The following PCDHGB1 variants were observed in gnomAD, a reference collection of about 807,000 sequenced individuals.
PCDHGB1 encodes protocadherin gamma-B1.
PCDHGB1 carries 34 observed loss-of-function variants against 56.6 expected under a neutral mutation model. That is an observed-to-expected ratio of 0.60 (90% confidence interval 0.46 to 0.80). PCDHGB1 has a LOEUF of 0.80. Ranked by LOEUF, PCDHGB1 falls within the 30% of genes least tolerant of loss-of-function variation. The pLI, the probability that PCDHGB1 is intolerant of heterozygous loss-of-function variation, is 0.00. For missense variants in PCDHGB1, 1,278 were observed against 1,204.6 expected, an observed-to-expected ratio of 1.06 and a Z score of -0.90; for synonymous variants, 561 against 505.9, an observed-to-expected ratio of 1.11 and a Z score of -1.46.
chr5:141,361,102 G>T lies in PCDHGB1; in HGVS notation c.2409+8433G>T, dbSNP rs1025745459. ...TTACACTCTGAGTATCGAAGCAAAA[G>T]ATCCTGGAGATCTAGCAGCCCACTG... On this transcript the variant is annotated intron_variant, in intron 1 of 3. Coordinates refer to ENST00000523390, the MANE Select transcript of PCDHGB1 (RefSeq NM_018922.3). The T allele has an allele frequency of 3.1e-6, 5 of 1,613,890 alleles. No individual in the cohort carries two copies. In the Admixed American group the frequency reaches 5.0e-5, roughly 16 times the overall value.
chr5:141,433,222 A>G, intron 1 of PCDHGB1: 6 of 1,519,556 alleles, frequency 3.9e-6, no homozygotes, highest in Non-Finnish European at 5.4e-6. Flanking sequence ...TTTTTTTTTA[A>G]TTGCTCTGTC....
At chr5:141,446,079 A>T (rs2098487021) in intron 1 of PCDHGB1, among the ~76,000 whole-genome samples, 1 of 152,234 alleles carries the variant, frequency 6.6e-6, no homozygotes, top group Non-Finnish European at 1.5e-5. Context: ...CAGTGGATGT[A>T]GAAATAAATG....
chr5:141,362,255 T>A (rs1257652154), intron 1 of PCDHGB1: 2 of 1,614,020 alleles, frequency 1.2e-6, no homozygotes, highest in Admixed American at 3.3e-5. Flanking sequence ...TTCCTCGCGG[T>A]GATTCTGGCA....
rs756770023 is a variant in PCDHGB1 at position 141,383,289 on chromosome 5, T to C, written c.2409+30620T>C. ...AAATAATAGATATTAATGACAACGT[T>C]CCAAGATTCTTGACGGAAGAAATAA... On this transcript the variant is annotated intron_variant, in intron 1 of 3. Coordinates refer to ENST00000523390, the MANE Select transcript of PCDHGB1 (RefSeq NM_018922.3). The C allele has an allele frequency of 1.9e-6, 3 of 1,613,914 alleles. No individual in the cohort carries two copies. In the South Asian group the frequency reaches 3.3e-5, roughly 18 times the overall value.
rs2099746867 is a variant in PCDHGB1, at chr5:141,493,199, C to T, written c.2410-1608C>T. Among the ~76,000 whole-genome samples the T allele has an allele frequency of 6.6e-6, 1 of 152,168 alleles. No individual in the cohort carries two copies. Among genetic ancestry groups the T allele is most frequent in the Non-Finnish European group, 1.5e-5 (1 of 68,020 alleles). ...CTTACTATATAACTCCTTTGAGAAC[C>T]TCATCTCATTTGCTCTTCCCACCAT... On this transcript the variant is annotated intron_variant, in intron 1 of 3. Coordinates refer to ENST00000523390, the MANE Select transcript of PCDHGB1 (RefSeq NM_018922.3). This position sits in a 1 kb window ranked among gnomAD's most constrained non-coding sequence, Gnocchi z 4.3.
chr5:141,361,460 TCTC>T, intron 1 of PCDHGB1: 1 of 1,613,974 alleles, frequency 6.2e-7, no homozygotes, highest in East Asian at 2.2e-5. Flanking sequence ...ACCCTGCACA[TCTC>T]CGACGTCAAC....
intron 1 of PCDHGB1, chr5:141,356,443 G>T: frequency 6.2e-7 from 1 of 1,612,380 alleles, no homozygotes; most frequent in African/African-American, 1.3e-5. Context: ...CAGGGAAGAA[G>T]TCTCAGAATA....
At chr5:141,498,971 GGGAAGGAA>G (rs201769957) in intron 2 of PCDHGB1, among the ~76,000 whole-genome samples, 18,877 of 110,786 alleles carry the variant, frequency 0.17, 1,784 homozygotes, top group Admixed American at 0.31. Context: ...GAGGGAGGGA[GGGAAGGAA>G]GGAAGGAAGG....
chr5:141,361,392 T>A, intron 1 of PCDHGB1: 1 of 1,613,882 alleles, frequency 6.2e-7, no homozygotes, highest in South Asian at 1.1e-5. Flanking sequence ...CAGAATACAA[T>A]CTCACCATCA....
At chr5:141,403,631 C>T (rs751580878) in intron 1 of PCDHGB1, 8 of 1,613,912 alleles carry the variant, frequency 5.0e-6, no homozygotes, top group South Asian at 2.2e-5. Context: ...CAGCACAGTG[C>T]GCATCCATGT....
intron 1 of PCDHGB1, among the ~76,000 whole-genome samples, chr5:141,433,641 G>A (rs1177387884): frequency 6.6e-6 from 1 of 152,104 alleles, no homozygotes; most frequent in Non-Finnish European, 1.5e-5. Flanking sequence ...TTTGAGACCA[G>A]CCTGACCAAC....
chr5:141,491,641 C>T lies in PCDHGB1; in HGVS notation c.2410-3166C>T. Reference sequence around the variant, plus strand: ...CCTCAGCGTTCAGCAGCCCACAGCTCTGGCGCTGGAGCCTGACGCCATCCG... The same window carrying T: ...CCTCAGCGTTCAGCAGCCCACAGCTTTGGCGCTGGAGCCTGACGCCATCCG... On this transcript the variant is annotated intron_variant, in intron 1 of 3. Coordinates refer to ENST00000523390, the MANE Select transcript of PCDHGB1 (RefSeq NM_018922.3). The surrounding 1 kb of genome is among the most constrained non-coding windows in gnomAD (Gnocchi z 6.9). The T allele has an allele frequency of 6.2e-7, 1 of 1,613,896 alleles. No homozygotes were observed. Among genetic ancestry groups the T allele is most frequent in the Non-Finnish European group, 8.5e-7 (1 of 1,180,018 alleles).
Position 141,352,079 on chromosome 5 carries a change from G to A in PCDHGB1, c.1819G>A (p.Ala607Thr), listed in dbSNP as rs771260601. ...NAWLSYHVLQ[A>T]SEPGLFSLGL... ...TTGGCTGTCCTACCACGTGCTGCAG[G>A]CCAGCGAGCCCGGGCTCTTCAGCCT... Residue 607 changes from alanine (A) to threonine (T), a missense_variant, in exon 1 of 4, where the codon GCC becomes ACC. By Grantham distance (58) the Ala-to-Thr change is moderately conservative. Coordinates refer to ENST00000523390, the MANE Select transcript of PCDHGB1 (RefSeq NM_018922.3). 3.1e-6 allele frequency: 5 copies of A among 1,604,962 alleles called. No individual in the cohort carries two copies. The Admixed American group carries it at 5.0e-5, about 16-fold the overall frequency.
intron 1 of PCDHGB1, chr5:141,383,093 G>T (rs1778804581): frequency 1.2e-5 from 20 of 1,613,930 alleles, no homozygotes; most frequent in Non-Finnish European, 1.7e-5. Flanking sequence ...CGCGGAGTCC[G>T]CATCATCTCC....
intron 1 of PCDHGB1, chr5:141,361,341 C>G: frequency 6.2e-7 from 1 of 1,613,988 alleles, no homozygotes; most frequent in South Asian, 1.1e-5. Context: ...AGAACTATTA[C>G]AAACTAGTGA....
At position 141,431,738 on chromosome 5, in the gene PCDHGB1, TA is replaced by T; in HGVS notation, c.2410-63068del. ...AGTGCAAGCAATGGATAATGCAGGA[TA>T]TTCTGCGCGAGCCAAAGTCCTGATC... On this transcript the variant is annotated intron_variant, in intron 1 of 3. Coordinates refer to ENST00000523390, the MANE Select transcript of PCDHGB1 (RefSeq NM_018922.3). The surrounding 1 kb of genome is among the most constrained non-coding windows in gnomAD (Gnocchi z 4.8). The T allele has an allele frequency of 6.2e-7, 1 of 1,614,234 alleles. No individual in the cohort carries two copies. Among genetic ancestry groups the T allele is most frequent in the South Asian group, 1.1e-5 (1 of 91,092 alleles).
chr5:141,386,913 A>T lies in PCDHGB1; in HGVS notation c.2409+34244A>T, dbSNP rs575520734. On this transcript the variant is annotated intron_variant, in intron 1 of 3. Coordinates refer to ENST00000523390, the MANE Select transcript of PCDHGB1 (RefSeq NM_018922.3). ...TCCTTCAATTCAGAGGTCACCAAGG[A>T]ATGTAAAATAAGTGCAGAGGTAGGA... Among the ~76,000 whole-genome samples the T allele has an allele frequency of 1.0e-3, 156 of 152,358 alleles. 1 individual carries two copies. The Middle Eastern group carries it at 0.017, about 17-fold the overall frequency.
intron 1 of PCDHGB1, chr5:141,375,374 C>T: frequency 2.5e-6 from 4 of 1,613,952 alleles, no homozygotes; most frequent in Non-Finnish European, 3.4e-6. Flanking sequence ...AGGAACACCA[C>T]CTCTGTCTAC....
At chr5:141,419,022 G>A in intron 1 of PCDHGB1, 1 of 1,613,960 alleles carries the variant, frequency 6.2e-7, no homozygotes, top group Non-Finnish European at 8.5e-7. Flanking sequence ...AGCTTAAGTA[G>A]AGGTGTTCCA....
Sources: allele counts gnomAD v4.1 joint callset (sites outside exome capture counted in the v4.1 genomes callset), GRCh38; gene constraint gnomAD v4.1.1; non-coding constraint Gnocchi (gnomAD v3.1); transcripts MANE v1.5; gene names NCBI Gene and HGNC (gene_info 2026-07-23, HGNC 2026-07-21).